The following CSMD1 variants were observed in gnomAD, a reference collection of about 807,000 sequenced individuals.
CSMD1 encodes the protein CUB and Sushi multiple domains 1, also known as CUB and sushi domain-containing protein 1.
In CSMD1, 213 loss-of-function variants were observed where a neutral mutation model predicts 417.5. The ratio of observed to expected loss-of-function variants is 0.51; its 90% CI spans 0.46 to 0.57. The LOEUF is 0.57. CSMD1 is among the 20% of genes least tolerant of loss of function. The pLI is 0.00. For missense variants in CSMD1, 6,923 were observed against 4,529.7 expected (o/e 1.53, Z -15.17); for synonymous variants, 2,862 against 1,736.8 (o/e 1.65, Z -16.11).
intron 7 of CSMD1, among the ~76,000 whole-genome samples, chr8:3,641,447 T>C (rs112423662): frequency 6.6e-6 from 1 of 152,158 alleles, no homozygotes; most frequent in African/African-American, 2.4e-5. Flanking sequence ...TCACTCCTAC[T>C]TTATCAGTAA....
At chr8:3,631,337 T>G (rs1193672849) in intron 7 of CSMD1, among the ~76,000 whole-genome samples, 1 of 152,198 alleles carries the variant, frequency 6.6e-6, no homozygotes, top group Non-Finnish European at 1.5e-5. Flanking sequence ...ATTCTGAGTC[T>G]GCACAGAGAC....
intron 20 of CSMD1, among the ~76,000 whole-genome samples, chr8:3,364,244 C>A (rs149423538): frequency 1.3e-5 from 2 of 152,126 alleles, no homozygotes; most frequent in African/African-American, 4.8e-5. Flanking sequence ...TGAAATTACT[C>A]CTCTAACATA....
chr8:4,036,979 GTGTGT>G (rs1797654470), intron 3 of CSMD1, among the ~76,000 whole-genome samples: 2 of 151,688 alleles, frequency 1.3e-5, no homozygotes, highest in Admixed American at 6.6e-5. Context: ...GTGTGTGTGT[GTGTGT>G]GTGTGTGTGT....
In CSMD1 at chr8:4,665,396, G is replaced by A. The variant is rs188347106; in HGVS notation, c.86-27838C>T. ...TTTTAGGTGAACGGGTCCATGAGTC[G>A]TGAAAGTTATGTCACACATAACCAT... On this transcript the variant is annotated intron_variant, in intron 1 of 69. Transcript: ENST00000635120. Among the ~76,000 whole-genome samples, 946 of 152,212 alleles carry A rather than the reference G, an allele frequency of 6.2e-3. 6 individuals are homozygous for A. Among genetic ancestry groups the A allele is most frequent in the Admixed American group, 0.011 (169 of 15,288 alleles).
rs905140724 is a variant in CSMD1, at chr8:4,009,395, G to A, written c.611-11285C>T. On this transcript the variant is annotated intron_variant, in intron 4 of 69. Transcript: ENST00000635120. ...ACATTACTTAGAAGCAAACTGCCAT[G>A]TTTATCATAAAGAAAAATTGAAATA... Among the ~76,000 whole-genome samples the A allele has an allele frequency of 2.6e-5, 4 of 152,120 alleles. No homozygotes were observed. The South Asian group carries it at 6.2e-4, about 24-fold the overall frequency.
At chr8:4,288,365 T>C (rs1797175954) in intron 3 of CSMD1, among the ~76,000 whole-genome samples, 1 of 152,146 alleles carries the variant, frequency 6.6e-6, no homozygotes, top group Non-Finnish European at 1.5e-5. Context: ...CCTTAATGAT[T>C]CCAGAGAGGC....
intron 57 of CSMD1, among the ~76,000 whole-genome samples, chr8:2,971,791 T>C (rs1442412196): frequency 6.6e-6 from 1 of 152,208 alleles, no homozygotes; most frequent in Admixed American, 6.5e-5. Context: ...AACAAAAGTA[T>C]GATCCTGCAA....
intron 3 of CSMD1, among the ~76,000 whole-genome samples, chr8:4,337,062 ATC>A (rs1800215436): frequency 6.6e-6 from 1 of 152,100 alleles, no homozygotes; most frequent in Non-Finnish European, 1.5e-5. Flanking sequence ...TGCATTCTGC[ATC>A]TGTTTCACTG....
intron 3 of CSMD1, among the ~76,000 whole-genome samples, chr8:4,042,083 G>A (rs955429730): frequency 1.3e-5 from 2 of 152,010 alleles, no homozygotes; most frequent in African/African-American, 4.8e-5. Flanking sequence ...ACTGAAGGCA[G>A]GGAACACAAA....
chr8:4,061,111 T>A (rs1316603079), intron 3 of CSMD1, among the ~76,000 whole-genome samples: 1 of 152,178 alleles, frequency 6.6e-6, no homozygotes, highest in African/African-American at 2.4e-5. Context: ...TTATGGAGAA[T>A]ATAAAGATGG....
chr8:4,945,571 A>C (rs574527282), intron 1 of CSMD1, among the ~76,000 whole-genome samples: 1 of 152,258 alleles, frequency 6.6e-6, no homozygotes, highest in South Asian at 2.1e-4. Flanking sequence ...AAAAATAAAG[A>C]CAAGAATAGC....
chr8:2,961,305 G>A (rs547130796), intron 61 of CSMD1, 91 bp from the exon 62 acceptor site: 2 of 649,818 alleles, frequency 3.1e-6, no homozygotes, highest in Non-Finnish European at 5.2e-6. Flanking sequence ...TCATGAAATA[G>A]AGAAAATATT....
intron 10 of CSMD1, among the ~76,000 whole-genome samples, chr8:3,499,075 G>C (rs1436349341): frequency 1.3e-5 from 2 of 152,072 alleles, no homozygotes; most frequent in Non-Finnish European, 1.5e-5. Context: ...GACATTTCTT[G>C]TGTTCCTACA....
intron 5 of CSMD1, among the ~76,000 whole-genome samples, chr8:3,924,395 C>A (rs1345604620): frequency 6.6e-6 from 1 of 152,140 alleles, no homozygotes; most frequent in Non-Finnish European, 1.5e-5. Flanking sequence ...CTTCATATAC[C>A]TAGACATTCA....
chr8:4,021,294 G>C (rs1469811056), intron 4 of CSMD1, among the ~76,000 whole-genome samples: 4 of 152,130 alleles, frequency 2.6e-5, no homozygotes, highest in Non-Finnish European at 5.9e-5. Flanking sequence ...TAATCCTTTG[G>C]AAGTATGAGG....
intron 3 of CSMD1, among the ~76,000 whole-genome samples, chr8:4,045,617 C>T (rs1798110155): frequency 6.6e-6 from 1 of 152,106 alleles, no homozygotes; most frequent in Non-Finnish European, 1.5e-5. Flanking sequence ...CTATTAGCTG[C>T]AACATAGAAA....
At chr8:3,863,124 G>A (rs894928836) in intron 5 of CSMD1, among the ~76,000 whole-genome samples, 8 of 152,234 alleles carry the variant, frequency 5.3e-5, no homozygotes, top group East Asian at 3.9e-4. Flanking sequence ...AAGGTCGGGC[G>A]CGGTGGCTAA....
chr8:3,023,854 CAAAAA>C (rs71199524), intron 51 of CSMD1, among the ~76,000 whole-genome samples: 2 of 108,334 alleles, frequency 1.8e-5, no homozygotes, highest in Non-Finnish European at 2.0e-5. Context: ...ACTGGGGAGT[CAAAAA>C]AAAAAAAAAA....
In CSMD1 at chr8:3,843,458, C is replaced by G. The variant is rs925195038; in HGVS notation, c.819-89416G>C. Among the ~76,000 whole-genome samples the G allele has an allele frequency of 4.0e-5, 6 of 151,620 alleles. No individual in the cohort carries two copies. In the East Asian group the frequency reaches 9.6e-4, roughly 24 times the overall value. ...TTAAGAATAACAGCCAGCCAAAGAT[C>G]AAAATGACAAATTACACTCGGACTT... On this transcript the variant is annotated intron_variant, in intron 5 of 69. Coordinates refer to ENST00000635120, the MANE Select transcript of CSMD1 (RefSeq NM_033225.6).
Sources: gnomAD v4.1 joint callset for allele counts (sites outside exome capture counted in the v4.1 genomes callset) on GRCh38, gnomAD v4.1.1 for gene constraint, MANE v1.5 for transcripts, NCBI Gene and HGNC (gene_info 2026-07-23, HGNC 2026-07-21) for gene names.